DOT1L: variants seen among roughly 807,000 people sequenced by gnomAD.
DOT1L encodes histone-lysine N-methyltransferase, H3 lysine-79 specific.
In DOT1L, 33 loss-of-function variants were observed where a neutral mutation model predicts 153.3. The ratio of observed to expected loss-of-function variants is 0.22; its 90% CI spans 0.16 to 0.29. The LOEUF is 0.29. Ranked by LOEUF, DOT1L falls within the 10% of genes least tolerant of loss-of-function variation. The pLI, the probability that DOT1L is intolerant of heterozygous loss-of-function variation, is 1.00. For missense variants in DOT1L, 1,847 were observed against 2,119.9 expected (o/e 0.87, Z 2.53); for synonymous variants, 1,135 against 965.1 (o/e 1.18, Z -3.26).
At chr19:2,227,520 G>C (rs902863852) in intron 27 of DOT1L, 1 of 526,486 alleles carries the variant, frequency 1.9e-6, no homozygotes, top group Non-Finnish European at 3.4e-6. Flanking sequence ...AGGAGCCGCC[G>C]GGGGGAGCGG....
At chr19:2,166,177 A>G (rs951919184) in intron 1 of DOT1L, among the ~76,000 whole-genome samples, 19 of 147,706 alleles carry the variant, frequency 1.3e-4, no homozygotes, top group Admixed American at 3.4e-4. Context: ...GCTCACTGAA[A>G]CCTCAGCCTC....
At position 2,217,094 on chromosome 19, in the gene DOT1L, C is replaced by T. The variant is rs780571415; in HGVS notation, c.2544+4C>T. ...TGGAGAGAAGAGCAGTGAGAAGGTG[C>T]GGGCCGCGACCCCTGCCCCGGGCTC... On this transcript the variant is annotated splice_donor_region_variant and intron_variant, in intron 21 of 27. Coordinates refer to ENST00000398665, the MANE Select transcript of DOT1L (RefSeq NM_032482.3). This position sits in a 1 kb window ranked among gnomAD's most constrained non-coding sequence, Gnocchi z 7.3. 3.1e-5 allele frequency: 50 copies of T among 1,588,152 alleles called. No individual in the cohort carries two copies. The highest frequency in any genetic ancestry group is 1.4e-4 in the Admixed American group (8 of 58,430).
At chr19:2,170,883 C>G (rs551517921) in intron 1 of DOT1L, among the ~76,000 whole-genome samples, 2 of 152,026 alleles carry the variant, frequency 1.3e-5, no homozygotes, top group Non-Finnish European at 2.9e-5. Context: ...CGTGTGTCTC[C>G]CGGGACCTGT....
At chr19:2,201,416 C>T (rs1043561676) in intron 8 of DOT1L, among the ~76,000 whole-genome samples, 13 of 152,220 alleles carry the variant, frequency 8.5e-5, no homozygotes, top group African/African-American at 2.7e-4. Context: ...CCCGCACCCT[C>T]GCTCCTGCTG....
Position 2,209,732 on chromosome 19 carries a change from G to A in DOT1L, c.1006-668G>A, listed in dbSNP as rs187794643. ...CCGGGCGTCCTTTCCTTTTGGAGGG[G>A]GTCAGACAAGACCAGCATGCGGAGA... On this transcript the variant is annotated intron_variant, in intron 12 of 27. Transcript: ENST00000398665. Among the ~76,000 whole-genome samples, 410 of 152,358 alleles carry A rather than the reference G, an allele frequency of 2.7e-3. 1 individual carries two copies. Among genetic ancestry groups the A allele is most frequent in the African/African-American group, 9.4e-3 (391 of 41,590 alleles).
rs760309133 is a variant in DOT1L at position 2,228,322 on chromosome 19, A to T, written c.4606+1195A>T. Reference sequence around the variant, plus strand: ...GGCATGCCGCCTCCCTATGCCGCGCACCTTTCGGGGGTTAAGCCGCGATAA... The same window carrying T: ...GGCATGCCGCCTCCCTATGCCGCGCTCCTTTCGGGGGTTAAGCCGCGATAA... On this transcript the variant is annotated intron_variant, in intron 27 of 27. Transcript: ENST00000398665. The T allele has an allele frequency of 1.7e-5, 23 of 1,337,240 alleles. No homozygotes were observed. The African/African-American group carries it at 2.8e-4, about 17-fold the overall frequency. The allele number at this position is 1,337,240 out of a possible 1,614,324, so 82.8% of individuals were successfully genotyped here. A position where few individuals can be genotyped will look rare whatever the true frequency, so the allele number is the denominator to read the frequency against.
intron 2 of DOT1L, among the ~76,000 whole-genome samples, chr19:2,185,583 A>C (rs932924295): frequency 4.6e-5 from 7 of 152,124 alleles, no homozygotes; most frequent in Non-Finnish European, 8.8e-5. Context: ...AGCCTTGCCA[A>C]AATGGCCTAA....
intron 1 of DOT1L, among the ~76,000 whole-genome samples, chr19:2,174,094 AC>A (rs1409806446): frequency 6.6e-6 from 1 of 152,168 alleles, no homozygotes; most frequent in Non-Finnish European, 1.5e-5. Flanking sequence ...AAGTGCTAGC[AC>A]TACAGGCGTG....
chr19:2,186,949 T>G (rs1318638939), intron 3 of DOT1L, among the ~76,000 whole-genome samples: 2 of 152,208 alleles, frequency 1.3e-5, no homozygotes, highest in Non-Finnish European at 2.9e-5. Context: ...GGGAGGGGCC[T>G]GCAGGGCCCT....
At position 2,193,750 on chromosome 19, in the gene DOT1L, C is replaced by T. The variant is rs200512045; in HGVS notation, c.555C>T (p.Val185=). The T allele has an allele frequency of 1.3e-5, 21 of 1,614,006 alleles. No individual in the cohort carries two copies. The highest frequency in any genetic ancestry group is 6.7e-5 in the East Asian group (3 of 44,898). Residue 185 remains valine, a synonymous_variant, in exon 6 of 28, where the codon GTC becomes GTT. Transcript: ENST00000398665. This position sits in a 1 kb window ranked among gnomAD's most constrained non-coding sequence, Gnocchi z 5.9. ...CCAACTGCAAACATCACTATGGCGT[C>T]GAGAAAGCAGACATCCCGGCCAAGT... ...AATNCKHHYG[V]EKADIPAKYA...
intron 1 of DOT1L, among the ~76,000 whole-genome samples, chr19:2,179,588 A>G (rs569308096): frequency 5.3e-5 from 8 of 152,246 alleles, no homozygotes; most frequent in Non-Finnish European, 7.4e-5. Context: ...TGGGCGGATC[A>G]CCTGAGGTAA....
Position 2,164,238 on chromosome 19 carries a change from C to A in DOT1L, c.54C>A (p.Ala18=). The change falls in exon 1 of 28, where the codon GCC becomes GCA. Residue 18 remains alanine (A), a synonymous_variant. Transcript: ENST00000398665. The part of the protein sequence containing the change: ...RLKSPVGAEP[A]VYPWPLPVYD... ...AGTCGCCCGTGGGGGCTGAGCCCGC[C>A]GTCTACCCGTGGCCGCTGCCGGTCT... is the stretch of plus-strand genomic sequence containing the variant. The A allele has an allele frequency of 2.3e-6, 3 of 1,290,286 alleles. No homozygotes were observed. The highest frequency in any genetic ancestry group is 3.3e-5 in the Admixed American group (1 of 30,086). The allele number at this position is 1,290,286 out of a possible 1,614,324, so 79.9% of individuals were successfully genotyped here.
Position 2,216,619 on chromosome 19 carries a change from C to G in DOT1L, c.2262C>G (p.His754Gln). The change falls in exon 20 of 28, where the codon CAC becomes CAG. Residue 754 changes from histidine to glutamine, a missense_variant. Transcript: ENST00000398665. ...AGGTGGTGCCCTGTACCCCTAGCCA[C>G]GTCGGCCGGCCGCGCCTGGAGAAGC... ...DQEVVPCTPS[H>Q]VGRPRLEKLS... is the part of the protein sequence containing the mutation. 2 of 1,606,518 alleles carry G rather than the reference C, an allele frequency of 1.2e-6. No individual in the cohort carries two copies. The highest frequency in any genetic ancestry group is 1.7e-5 in the Admixed American group (1 of 60,018).
rs567762183 is a variant in DOT1L, at chr19:2,202,999, G to A, written c.787+220G>A. On this transcript the variant is annotated intron_variant, in intron 9 of 27. Transcript: ENST00000398665. ...TGTAGTGGCACAATCTCTGCTCACT[G>A]CAACCTCCGCCTCCCGGGTTCAAGC... is the stretch of plus-strand genomic sequence containing the variant. Among the ~76,000 whole-genome samples, 7 of 152,312 alleles carry A rather than the reference G, an allele frequency of 4.6e-5. No individual in the cohort carries two copies. In the South Asian group the frequency reaches 1.4e-3, roughly 32 times the overall value.
chr19:2,214,409 AGT>A, intron 18 of DOT1L, 60 bp from the exon 19 acceptor site: 2 of 1,589,418 alleles, frequency 1.3e-6, no homozygotes, highest in Admixed American at 3.4e-5. Context: ...CTGCCCTGAG[AGT>A]GTGGGGTGTG....
Position 2,218,681 on chromosome 19 carries a change from CGA to C in DOT1L, c.2691+764_2691+765del, listed in dbSNP as rs1304851333. Among the ~76,000 whole-genome samples, 3 of 151,172 alleles carry C rather than the reference CGA, an allele frequency of 2.0e-5. No homozygotes were observed. In the East Asian group the frequency reaches 5.9e-4, roughly 30 times the overall value. ...GTGCTGGGATTACAGGCGTGAGCCACGACGTCTGGCCTCTTTCTTTTTTTTTA... is the reference window on the plus strand; with the variant it reads ...GTGCTGGGATTACAGGCGTGAGCCACCGTCTGGCCTCTTTCTTTTTTTTTA... On this transcript the variant is annotated intron_variant, in intron 22 of 27. Transcript: ENST00000398665.
At chr19:2,196,084 A>G (rs2023007196) in intron 7 of DOT1L, among the ~76,000 whole-genome samples, 1 of 152,234 alleles carries the variant, frequency 6.6e-6, no homozygotes, top group Admixed American at 6.5e-5. Flanking sequence ...TGAGGCCTCG[A>G]CATTCCTGTC....
At position 2,223,425 on chromosome 19, in the gene DOT1L, C is replaced by A; in HGVS notation, c.3535C>A (p.His1179Asn). The A allele has an allele frequency of 6.2e-7, 1 of 1,613,580 alleles. No individual in the cohort carries two copies. Among genetic ancestry groups the A allele is most frequent in the Non-Finnish European group, 8.5e-7 (1 of 1,179,980 alleles). ...GCCTCTGAGCCAGACCAATGGGGCA[C>A]ACTACTCCCCACTCACCTCAGACGA... Reference protein sequence around the residue: ...ERPLSQTNGAHYSPLTSDEEP... With the variant: ...ERPLSQTNGANYSPLTSDEEP... Residue 1179 changes from histidine to asparagine, a missense_variant, in exon 25 of 28, where the codon CAC becomes AAC. This residue lies in a region of DOT1L where 934 missense variants were observed against 825.3 expected (regional missense o/e 1.13). Transcript: ENST00000398665.
rs1478699715 is a variant in DOT1L, at chr19:2,208,088, A to G, written c.963+408A>G. Among the ~76,000 whole-genome samples the G allele has an allele frequency of 3.3e-5, 5 of 152,030 alleles. No homozygotes were observed. The highest frequency in any genetic ancestry group is 7.4e-5 in the Non-Finnish European group (5 of 67,972). On this transcript the variant is annotated intron_variant, in intron 11 of 27. Transcript: ENST00000398665. The surrounding 1 kb of genome is among the most constrained non-coding windows in gnomAD (Gnocchi z 4.4). ...CCTGAGCGGGGAGACACCAGGGTCC[A>G]TGGGTGGGGTCTGGGATGCTTCTTC... is the stretch of plus-strand genomic sequence containing the variant.
Sources: gnomAD v4.1 joint callset for allele counts (sites outside exome capture counted in the v4.1 genomes callset) on GRCh38, gnomAD v4.1.1 for gene constraint, gnomAD v4.1.1 regional missense constraint, Gnocchi (gnomAD v3.1) non-coding constraint, MANE v1.5 for transcripts, NCBI Gene and HGNC (gene_info 2026-07-23, HGNC 2026-07-21) for gene names.